PDGFD: variants seen among roughly 807,000 people sequenced by gnomAD.
The protein encoded by PDGFD is platelet-derived growth factor D.
A neutral mutation model predicts 44.7 loss-of-function variants in PDGFD; 30 were observed. The ratio of observed to expected loss-of-function variants is 0.67; its 90% confidence interval spans 0.50 to 0.91. The LOEUF is 0.91. PDGFD is among the 40% of genes least tolerant of loss of function. The probability of loss-of-function intolerance (pLI) is 0.00; values close to 1 mark genes in which losing one functional copy is unlikely to be tolerated. For missense variants in PDGFD, 445 were observed against 457.8 expected (o/e 0.97, Z 0.25); for synonymous variants, 173 against 168.4 (o/e 1.03, Z -0.21).
At chr11:103,968,229 T>C (rs936943941) in intron 3 of PDGFD, among the ~76,000 whole-genome samples, 2 of 152,156 alleles carry the variant, frequency 1.3e-5, no homozygotes, top group Admixed American at 6.5e-5. Context: ...AGCACTCTGT[T>C]ACTCAATACT....
At position 104,163,981 on chromosome 11, in the gene PDGFD, C is replaced by A; in HGVS notation, c.-54G>T. 1 of 1,474,358 alleles carries A rather than the reference C, an allele frequency of 6.8e-7. No homozygotes were observed. The highest frequency in any genetic ancestry group is 1.5e-5 in the South Asian group (1 of 67,794). 91.3% of individuals were successfully genotyped at this position (1,474,358 alleles called of 1,614,324 possible). A position where few individuals can be genotyped will look rare whatever the true frequency, so the allele number is the denominator to read the frequency against. On this transcript the variant is annotated 5_prime_UTR_variant, in exon 1 of 7. Transcript: ENST00000393158. Reference sequence around the variant, plus strand: ...CTCCAAGAAAAAGCCGGGTTCTGCTCCCGGGACCGACGCCGCGCCGCCCTG... The same window carrying A: ...CTCCAAGAAAAAGCCGGGTTCTGCTACCGGGACCGACGCCGCGCCGCCCTG...
chr11:103,991,828 G>A (rs1452391522), intron 3 of PDGFD, among the ~76,000 whole-genome samples: 3 of 152,176 alleles, frequency 2.0e-5, no homozygotes, highest in African/African-American at 7.2e-5. Flanking sequence ...ACAACCTAAT[G>A]TCATGCAGTA....
intron 3 of PDGFD, among the ~76,000 whole-genome samples, chr11:103,970,685 A>G (rs1301390219): frequency 1.3e-5 from 2 of 152,146 alleles, no homozygotes; most frequent in Non-Finnish European, 2.9e-5. Context: ...CAGTACATAT[A>G]ACATTTTTCA....
intron 1 of PDGFD, among the ~76,000 whole-genome samples, chr11:104,104,998 A>G (rs1861452557): frequency 6.6e-6 from 1 of 152,220 alleles, no homozygotes; most frequent in African/African-American, 2.4e-5. Flanking sequence ...CAGCATCATA[A>G]AAGATGAAAT....
intron 1 of PDGFD, among the ~76,000 whole-genome samples, chr11:104,141,547 G>A (rs576066789): frequency 6.6e-6 from 1 of 152,096 alleles, no homozygotes; most frequent in East Asian, 1.9e-4. Flanking sequence ...AAATCCTCTT[G>A]CCTCAGCCTC....
At chr11:104,063,278 C>T (rs1316825453) in intron 1 of PDGFD, among the ~76,000 whole-genome samples, 1 of 151,638 alleles carries the variant, frequency 6.6e-6, no homozygotes, top group Non-Finnish European at 1.5e-5. Context: ...TTTACTGATT[C>T]ATCTTACCTT....
At chr11:104,065,862 A>T (rs545270667) in intron 1 of PDGFD, among the ~76,000 whole-genome samples, 200 of 152,238 alleles carry the variant, frequency 1.3e-3, no homozygotes, top group African/African-American at 4.3e-3. Flanking sequence ...AGTCCGTTCT[A>T]AGGGATCTCT....
chr11:103,953,886 T>C (rs1727206152), intron 3 of PDGFD, among the ~76,000 whole-genome samples: 1 of 152,208 alleles, frequency 6.6e-6, no homozygotes, highest in South Asian at 2.1e-4. Context: ...TACTAAAACA[T>C]GGCTAACACA....
chr11:104,093,784 A>G (rs1861244487), intron 1 of PDGFD, among the ~76,000 whole-genome samples: 1 of 150,648 alleles, frequency 6.6e-6, no homozygotes, highest in Non-Finnish European at 1.5e-5. Flanking sequence ...TTTCCTAACA[A>G]AGGCCATTCC....
chr11:104,009,920 G>A (rs548976182), intron 1 of PDGFD, among the ~76,000 whole-genome samples: 16 of 152,124 alleles, frequency 1.1e-4, no homozygotes, highest in South Asian at 6.2e-4. Flanking sequence ...TTAATAGGAC[G>A]GTCTTCACTA....
At chr11:103,930,551 GA>G (rs10534085) in intron 5 of PDGFD, among the ~76,000 whole-genome samples, 33,673 of 135,716 alleles carry the variant, frequency 0.25, 7,455 homozygotes, top group African/African-American at 0.59. Context: ...CAAAAGTTAA[GA>G]AAAAAAAAAA....
rs573669586 is a variant in PDGFD at position 104,101,482 on chromosome 11, G to A, written c.124+62322C>T. Among the ~76,000 whole-genome samples the A allele has an allele frequency of 1.2e-4, 19 of 152,160 alleles. 1 individual carries two copies. The highest frequency in any genetic ancestry group is 2.0e-4 in the Admixed American group (3 of 15,252). ...ATGAACAAATGGAAGAATCAATATC[G>A]TGAAAATGGTCATACTGCCCAAGGT... On this transcript the variant is annotated intron_variant, in intron 1 of 6. Transcript: ENST00000393158.
chr11:104,159,030 G>T (rs1242412787), intron 1 of PDGFD, among the ~76,000 whole-genome samples: 1 of 151,508 alleles, frequency 6.6e-6, no homozygotes, highest in Non-Finnish European at 1.5e-5. Context: ...GTAGGCGCCT[G>T]TAGTCCCAGC....
At chr11:104,161,952 T>A (rs57454103) in intron 1 of PDGFD, among the ~76,000 whole-genome samples, 35,988 of 109,500 alleles carry the variant, frequency 0.33, 4,520 homozygotes, top group Middle Eastern at 0.4. Flanking sequence ...TCAAAGAGAG[T>A]GTGTGTGTGT....
chr11:103,999,243 C>T lies in PDGFD; in HGVS notation c.329+808G>A, dbSNP rs151002560. Among the ~76,000 whole-genome samples, 91 of 151,908 alleles carry T rather than the reference C, an allele frequency of 6.0e-4. 1 individual carries two copies. In the East Asian group the frequency reaches 0.016, roughly 26 times the overall value. On this transcript the variant is annotated intron_variant, in intron 2 of 6. Transcript: ENST00000393158. ...TTTATTATTCAAAGGAAAATAAACCCGCTGAAAGGATTTAGCAGTTCAGTA... is the reference window on the plus strand; with the variant it reads ...TTTATTATTCAAAGGAAAATAAACCTGCTGAAAGGATTTAGCAGTTCAGTA...
In PDGFD at chr11:104,118,846, T is replaced by G. The variant is rs1326714569; in HGVS notation, c.124+44958A>C. Among the ~76,000 whole-genome samples the G allele has an allele frequency of 2.7e-4, 7 of 25,968 alleles. 1 individual carries two copies. The South Asian group carries it at 8.1e-3, about 30-fold the overall frequency. The allele number at this position is 25,968 out of a possible 152,430, so 17.0% of individuals were successfully genotyped here. A position where few individuals can be genotyped will look rare whatever the true frequency, so the allele number is the denominator to read the frequency against. Reference sequence around the variant, plus strand: ...ATTATAAATATTAATATATAATATATTATATATTATAATATATTATATATT... The same window carrying G: ...ATTATAAATATTAATATATAATATAGTATATATTATAATATATTATATATT... On this transcript the variant is annotated intron_variant, in intron 1 of 6. Transcript: ENST00000393158.
At chr11:103,976,786 C>T (rs915996116) in intron 3 of PDGFD, among the ~76,000 whole-genome samples, 3 of 151,966 alleles carry the variant, frequency 2.0e-5, no homozygotes, top group Admixed American at 6.6e-5. Flanking sequence ...AAGGCCTTTT[C>T]GGCATCTATT....
chr11:104,095,315 T>G (rs1475689131), intron 1 of PDGFD, among the ~76,000 whole-genome samples: 1 of 152,110 alleles, frequency 6.6e-6, no homozygotes, highest in Non-Finnish European at 1.5e-5. Context: ...TACGCAGCAC[T>G]TAGCACAGTG....
intron 6 of PDGFD, among the ~76,000 whole-genome samples, chr11:103,922,946 T>C (rs1858247965): frequency 6.6e-6 from 1 of 152,106 alleles, no homozygotes; most frequent in Non-Finnish European, 1.5e-5. Context: ...GCCTTGCTAA[T>C]TTTCCCCAGT....
Sources: gnomAD v4.1 joint callset for allele counts (sites outside exome capture counted in the v4.1 genomes callset) on GRCh38, gnomAD v4.1.1 for gene constraint, MANE v1.5 for transcripts, NCBI Gene and HGNC (gene_info 2026-07-23, HGNC 2026-07-21) for gene names.